The following SGCZ variants were observed in gnomAD, a reference collection of about 807,000 sequenced individuals.
The protein encoded by SGCZ is sarcoglycan zeta.
A neutral mutation model predicts 41.3 loss-of-function variants in SGCZ; 40 were observed. That is an observed-to-expected ratio of 0.97 (90% CI 0.75 to 1.26). The LOEUF is 1.26. SGCZ is among the 50% of genes most tolerant of loss of function. The probability of loss-of-function intolerance (pLI) is 0.00; values close to 1 mark genes in which losing one functional copy is unlikely to be tolerated. For missense variants in SGCZ, 552 were observed against 369.8 expected, an observed-to-expected ratio of 1.49 and a Z score of -4.04; for synonymous variants, 206 against 137.5, an observed-to-expected ratio of 1.50 and a Z score of -3.49.
chr8:14,875,904 A>T (rs888889767), intron 1 of SGCZ, among the ~76,000 whole-genome samples: 1 of 152,308 alleles, frequency 6.6e-6, no homozygotes, highest in East Asian at 1.9e-4. Flanking sequence ...AGACTAAAAG[A>T]GTTATTCTGG....
intron 2 of SGCZ, among the ~76,000 whole-genome samples, chr8:14,540,161 G>T (rs985329318): frequency 6.8e-6 from 1 of 146,002 alleles, no homozygotes; most frequent in Non-Finnish European, 1.5e-5. Flanking sequence ...AATGCTTTTC[G>T]TTCAAAGATT....
In SGCZ at chr8:15,237,639, G is replaced by C; in HGVS notation, c.-16C>G. 1.9e-6 allele frequency: 3 copies of C among 1,579,756 alleles called. No individual in the cohort carries two copies. The highest frequency in any genetic ancestry group is 2.6e-6 in the Non-Finnish European group (3 of 1,160,676). On this transcript the variant is annotated 5_prime_UTR_variant, in exon 1 of 8. Transcript: ENST00000382080. ...ATCTGTCCATGGAGCGCAACTAAAC[G>C]AAGTGGAGAGGAACCGGGCGAGTGG...
intron 2 of SGCZ, among the ~76,000 whole-genome samples, chr8:14,407,384 G>A (rs925064179): frequency 6.6e-6 from 1 of 152,068 alleles, no homozygotes; most frequent in Non-Finnish European, 1.5e-5. Flanking sequence ...ATACAGATAA[G>A]AACACTGAGT....
intron 1 of SGCZ, among the ~76,000 whole-genome samples, chr8:15,095,888 G>A (rs1285402327): frequency 6.6e-6 from 1 of 151,996 alleles, no homozygotes; most frequent in Admixed American, 6.6e-5. Flanking sequence ...CCTAAATCAG[G>A]CTGATTTTCA....
At chr8:14,262,660 T>C (rs967026686) in intron 3 of SGCZ, among the ~76,000 whole-genome samples, 3 of 151,862 alleles carry the variant, frequency 2.0e-5, no homozygotes, top group Non-Finnish European at 4.4e-5. Flanking sequence ...TTTTCTCTTT[T>C]ATTGTCATCG....
chr8:14,545,833 T>C lies in SGCZ; in HGVS notation c.234+8899A>G, dbSNP rs182337635. Among the ~76,000 whole-genome samples, 16 of 152,344 alleles carry C rather than the reference T, an allele frequency of 1.1e-4. No homozygotes were observed. The East Asian group carries it at 2.7e-3, about 26-fold the overall frequency. ...CTAATTTTCTTAATCCTTCTTTTTC[T>C]CTGGCAACATTTCTAGTACTCTAAT... On this transcript the variant is annotated intron_variant, in intron 2 of 7. Transcript: ENST00000382080.
rs1233623873 is a variant in SGCZ, at chr8:14,328,840, A to G, written c.235-4636T>C. On this transcript the variant is annotated intron_variant, in intron 2 of 7. Transcript: ENST00000382080. ...GGGCTCCTCCCTTGTGAATGGAACT[A>G]AGGCCCTTATAAAAGAGGTAAATGA... is the stretch of plus-strand genomic sequence containing the variant. 3.3e-5 allele frequency among the ~76,000 whole-genome samples: 5 copies of G among 152,202 alleles called. No individual in the cohort carries two copies. The East Asian group carries it at 7.7e-4, about 23-fold the overall frequency.
chr8:14,158,243 T>C (rs1472843954), intron 5 of SGCZ, among the ~76,000 whole-genome samples: 1 of 152,180 alleles, frequency 6.6e-6, no homozygotes, highest in South Asian at 2.1e-4. Context: ...CCAAAGATTT[T>C]CATACTTTAG....
At chr8:15,081,530 GATAAA>G (rs1473229082) in intron 1 of SGCZ, among the ~76,000 whole-genome samples, 6 of 148,618 alleles carry the variant, frequency 4.0e-5, no homozygotes, top group Non-Finnish European at 3.0e-5. Context: ...GCATGAGAAA[GATAAA>G]ATAAAGAGGT....
intron 5 of SGCZ, among the ~76,000 whole-genome samples, chr8:14,148,259 A>G (rs1210526623): frequency 1.3e-5 from 2 of 152,060 alleles, no homozygotes; most frequent in East Asian, 1.9e-4. Context: ...CAATAAAACA[A>G]AAAGTTGGCT....
chr8:14,206,337 C>A (rs1003231122), intron 4 of SGCZ, among the ~76,000 whole-genome samples: 5 of 152,054 alleles, frequency 3.3e-5, no homozygotes, highest in African/African-American at 1.2e-4. Flanking sequence ...GTTATACATC[C>A]AGTCAATTAT....
At chr8:14,104,350 G>C (rs992310823) in intron 6 of SGCZ, among the ~76,000 whole-genome samples, 8 of 151,796 alleles carry the variant, frequency 5.3e-5, no homozygotes, top group Non-Finnish European at 8.8e-5. Flanking sequence ...GTTTTTCAAA[G>C]CATTCTGTTT....
chr8:14,439,326 T>C (rs1428397878), intron 2 of SGCZ, among the ~76,000 whole-genome samples: 1 of 148,516 alleles, frequency 6.7e-6, no homozygotes, highest in Non-Finnish European at 1.5e-5. Context: ...TATATATATA[T>C]ATATCTCCTC....
At chr8:14,157,914 G>C (rs1322197592) in intron 5 of SGCZ, among the ~76,000 whole-genome samples, 3 of 152,186 alleles carry the variant, frequency 2.0e-5, no homozygotes, top group Non-Finnish European at 2.9e-5. Flanking sequence ...AGGCACGGTA[G>C]CTCATGCCTG....
intron 1 of SGCZ, among the ~76,000 whole-genome samples, chr8:15,028,992 G>A (rs575549205): frequency 7.9e-5 from 12 of 151,996 alleles, no homozygotes; most frequent in African/African-American, 2.9e-4. Context: ...GCATACTGAT[G>A]AACTAAAAGT....
chr8:14,966,854 C>T (rs1801142589), intron 1 of SGCZ, among the ~76,000 whole-genome samples: 1 of 152,060 alleles, frequency 6.6e-6, no homozygotes, highest in South Asian at 2.1e-4. Flanking sequence ...ATGACAAAAA[C>T]ATACGGGAAA....
intron 1 of SGCZ, among the ~76,000 whole-genome samples, chr8:14,639,155 C>T (rs76460209): frequency 2.0e-5 from 3 of 149,750 alleles, no homozygotes. Flanking sequence ...AAGTGATTCT[C>T]CTGTCTCAGA....
At chr8:14,965,530 A>T (rs189452048) in intron 1 of SGCZ, among the ~76,000 whole-genome samples, 65 of 152,324 alleles carry the variant, frequency 4.3e-4, no homozygotes, top group African/African-American at 1.5e-3. Context: ...GGGATATTAT[A>T]TGATGATCAC....
chr8:14,336,019 C>A (rs1449724198), intron 2 of SGCZ, among the ~76,000 whole-genome samples: 1 of 152,042 alleles, frequency 6.6e-6, no homozygotes, highest in African/African-American at 2.4e-5. Flanking sequence ...CTCAACAGGA[C>A]TAATCCTAGT....
Sources: allele counts gnomAD v4.1 joint callset (sites outside exome capture counted in the v4.1 genomes callset), GRCh38; gene constraint gnomAD v4.1.1; transcripts MANE v1.5; gene names NCBI Gene and HGNC (gene_info 2026-07-23, HGNC 2026-07-21).